The following SLC5A7 variants were observed in gnomAD, a reference collection of about 807,000 sequenced individuals.
SLC5A7 encodes the protein high affinity choline transporter 1.
Under a neutral mutation model 55.4 loss-of-function variants are expected in SLC5A7, and 19 were observed. The observed-to-expected ratio is 0.34, with a 90% confidence interval of 0.24 to 0.50. The LOEUF (loss-of-function observed/expected upper bound fraction) is 0.50, where lower values mean the gene tolerates loss of function less well. SLC5A7 is among the 20% of genes least tolerant of loss of function. SLC5A7 has a pLI of 0.98. For synonymous variants in SLC5A7, 265 were observed against 263.7 expected, an observed-to-expected ratio of 1.00 and a Z score of -0.05; for missense variants, 506 against 705.3, an observed-to-expected ratio of 0.72 and a Z score of 3.20.
intron 2 of SLC5A7, among the ~76,000 whole-genome samples, chr2:107,991,233 T>C (rs1295219864): frequency 6.6e-6 from 1 of 152,224 alleles, no homozygotes; most frequent in Non-Finnish European, 1.5e-5. Flanking sequence ...CCTCAGCTAT[T>C]GTGCTACATA....
intron 4 of SLC5A7, among the ~76,000 whole-genome samples, chr2:107,996,663 A>T (rs558797795): frequency 1.3e-5 from 2 of 152,310 alleles, no homozygotes; most frequent in South Asian, 4.1e-4. Flanking sequence ...TGAATTATGA[A>T]CTGTCAGTCC....
Position 108,006,049 on chromosome 2 carries a change from A to G in SLC5A7, c.742A>G (p.Met248Val). The G allele has an allele frequency of 6.2e-7, 1 of 1,614,068 alleles. No individual in the cohort carries two copies. The highest frequency in any genetic ancestry group is 1.1e-5 in the South Asian group (1 of 91,074). ...CTCCATCCTTGTGTTTCCCGCACAG[A>G]TGCTGGGTGGAATCCCATGGCAAGC... ...YSWLDSFLLL[M>V]LGGIPWQAYF... Residue 248 changes from methionine to valine, a missense_variant and splice_region_variant, in exon 7 of 9, where the codon ATG (methionine) becomes GTG (valine). Around this residue, in one of 4 missense-constraint regions of SLC5A7, gnomAD observed 309 missense variants for 478.6 expected, o/e 0.65. Coordinates refer to ENST00000264047, the MANE Select transcript of SLC5A7 (RefSeq NM_021815.5).
At chr2:108,004,497 C>G (rs1678031059) in intron 6 of SLC5A7, among the ~76,000 whole-genome samples, 2 of 152,268 alleles carry the variant, frequency 1.3e-5, no homozygotes, top group Middle Eastern at 3.4e-3. Flanking sequence ...GAACCCAGAG[C>G]CCAGTGAGAG....
chr2:108,007,813 T>A (rs1216939433), intron 7 of SLC5A7, among the ~76,000 whole-genome samples: 2 of 152,208 alleles, frequency 1.3e-5, no homozygotes, highest in Non-Finnish European at 2.9e-5. Flanking sequence ...CTTCAACACA[T>A]GCTACAACTA....
Position 107,997,981 on chromosome 2 carries a change from G to C in SLC5A7, c.592G>C (p.Gly198Arg). 1 of 1,610,626 alleles carries C rather than the reference G, an allele frequency of 6.2e-7. No individual in the cohort carries two copies. ...DVVQLFCIFV[G>R]LWISVPFALS... ...CGTTCAGCTCTTTTGCATTTTTGTA[G>C]GGCTGGTAAGTGGGAGCACCCAAGA... is the stretch of plus-strand genomic sequence containing the variant. Residue 198 changes from glycine (G) to arginine (R), a missense_variant, in exon 5 of 9, where the codon GGG becomes CGG. By Grantham distance (125) the Gly-to-Arg change is moderately radical. Transcript: ENST00000264047.
intron 4 of SLC5A7, among the ~76,000 whole-genome samples, chr2:107,994,276 T>C (rs907783699): frequency 6.6e-6 from 1 of 152,152 alleles, no homozygotes; most frequent in Non-Finnish European, 1.5e-5. Context: ...TTGATCGTTA[T>C]AAAATACAGC....
At chr2:108,008,705 T>A in intron 8 of SLC5A7, 23 bp downstream of exon 8, 1 of 1,590,286 alleles carries the variant, frequency 6.3e-7, no homozygotes, top group Non-Finnish European at 8.6e-7. Context: ...TCTTTCAACC[T>A]GACATTTACT....
rs574474443 is a variant in SLC5A7, at chr2:107,997,929, G to C, written c.540G>C (p.Gly180=). Residue 180 remains glycine, a synonymous_variant, in exon 5 of 9, where the codon GGG becomes GGC. Transcript: ENST00000264047. ...LIATLYTLVG[G]LYSVAYTDVV... ...CCACTCTGTACACACTGGTGGGAGG[G>C]CTCTATTCTGTGGCCTACACTGATG... 25 of 1,613,932 alleles carry C rather than the reference G, an allele frequency of 1.5e-5. No individual in the cohort carries two copies. Among genetic ancestry groups the C allele is most frequent in the Admixed American group, 1.5e-4 (9 of 60,010 alleles).
chr2:107,988,073 T>A, intron 1 of SLC5A7, 32 bp from the exon 2 acceptor site: 1 of 1,425,872 alleles, frequency 7.0e-7, no homozygotes. Context: ...AGTGCTTGAC[T>A]GGTTTATAAT....
At chr2:107,988,438 T>A (rs1677329247) in intron 2 of SLC5A7, 105 bp downstream of exon 2, 2 of 976,622 alleles carry the variant, frequency 2.0e-6, no homozygotes, top group Admixed American at 5.7e-5. Flanking sequence ...GTCTTTGTCC[T>A]TTGGGGATTC....
intron 5 of SLC5A7, among the ~76,000 whole-genome samples, chr2:108,001,412 G>T (rs999132368): frequency 2.0e-5 from 3 of 152,050 alleles, no homozygotes; most frequent in African/African-American, 7.2e-5. Flanking sequence ...GGTGGCTCAC[G>T]CCTGTAATCC....
rs893594490 is a variant in SLC5A7, at chr2:108,013,861, A to G, written c.*3000A>G. ...TCAAACAGCATCAAAATACAACTTC[A>G]TTGCTACACTTACAAGTAATGAATT... On this transcript the variant is annotated 3_prime_UTR_variant, in exon 9 of 9. Transcript: ENST00000264047. The G allele has an allele frequency of 6.6e-6, 1 of 152,174 alleles. No homozygotes were observed. Among genetic ancestry groups the G allele is most frequent in the Admixed American group, 6.6e-5 (1 of 15,256 alleles). 9.4% of individuals were successfully genotyped at this position (152,174 alleles called of 1,614,324 possible). A position where few individuals can be genotyped will look rare whatever the true frequency, so the allele number is the denominator to read the frequency against.
Position 107,993,023 on chromosome 2 carries a change from T to C in SLC5A7, c.344T>C (p.Leu115Ser). 1.2e-6 allele frequency: 2 copies of C among 1,614,244 alleles called. No individual in the cohort carries two copies. The highest frequency in any genetic ancestry group is 1.7e-6 in the Non-Finnish European group (2 of 1,180,042). ...PMRSKGYVTM[L>S]DPFQQIYGKR... Reference sequence around the variant, plus strand: ...CGTTCAAAGGGGTATGTGACCATGTTAGACCCGTTTCAGCAAATCTATGGA... The same window carrying C: ...CGTTCAAAGGGGTATGTGACCATGTCAGACCCGTTTCAGCAAATCTATGGA... Residue 115 changes from leucine (L) to serine (S), a missense_variant, in exon 4 of 9, where the codon TTA (leucine) becomes TCA (serine). Transcript: ENST00000264047.
At chr2:107,997,767 C>T in intron 4 of SLC5A7, 71 bp from the exon 5 acceptor site, 1 of 1,369,056 alleles carries the variant, frequency 7.3e-7, no homozygotes, top group Non-Finnish European at 9.6e-7. Flanking sequence ...ACTGAACTTT[C>T]ATTATGTCCT....
chr2:108,007,385 A>T (rs1440771229), intron 7 of SLC5A7, among the ~76,000 whole-genome samples: 2 of 151,016 alleles, frequency 1.3e-5, no homozygotes, highest in African/African-American at 2.4e-5. Context: ...AAATGTAAAG[A>T]TGACTGACGA....
chr2:108,005,943 T>G (rs1445864192), intron 6 of SLC5A7, 106 bp from the exon 7 acceptor site: 4 of 1,378,224 alleles, frequency 2.9e-6, no homozygotes, highest in Non-Finnish European at 3.9e-6. Flanking sequence ...ACATTTTTTT[T>G]ACTACTTCTA....
Position 108,012,894 on chromosome 2 carries a change from A to G in SLC5A7, c.*2033A>G, listed in dbSNP as rs192150272. 1 of 152,262 alleles carries G rather than the reference A, an allele frequency of 6.6e-6. No homozygotes were observed. The highest frequency in any genetic ancestry group is 1.5e-5 in the Non-Finnish European group (1 of 67,994). The allele number at this position is 152,262 out of a possible 1,614,324, so 9.4% of individuals were successfully genotyped here. On this transcript the variant is annotated 3_prime_UTR_variant, in exon 9 of 9. Coordinates refer to ENST00000264047, the MANE Select transcript of SLC5A7 (RefSeq NM_021815.5). ...ACTACAATTCCTGGCAAACACCATT[A>G]TTCCAGATGCACCATGCTACCCAGC...
intron 4 of SLC5A7, among the ~76,000 whole-genome samples, chr2:107,996,693 A>T (rs192320537): frequency 5.9e-4 from 90 of 152,336 alleles, no homozygotes; most frequent in Admixed American, 1.5e-3. Flanking sequence ...AGCGGCCCAA[A>T]CTGGTCATAC....
In SLC5A7 at chr2:108,010,995, G is replaced by C; in HGVS notation, c.*134G>C. 1.0e-6 allele frequency: 1 copy of C among 963,726 alleles called. No individual in the cohort carries two copies. The highest frequency in any genetic ancestry group is 2.8e-5 in the South Asian group (1 of 36,344). The allele number at this position is 963,726 out of a possible 1,614,324, so 59.7% of individuals were successfully genotyped here. ...AGGAGAGTAAAAATTCATATAAAGT[G>C]CAATTGCACAAATACAAGCCAAGCT... On this transcript the variant is annotated 3_prime_UTR_variant, in exon 9 of 9. Transcript: ENST00000264047.
Sources: allele counts gnomAD v4.1 joint callset (sites outside exome capture counted in the v4.1 genomes callset), GRCh38; gene constraint gnomAD v4.1.1; regional missense constraint gnomAD v4.1.1; transcripts MANE v1.5; gene names NCBI Gene and HGNC (gene_info 2026-07-23, HGNC 2026-07-21).